The following CCDC148 variants were observed in gnomAD, a reference collection of about 807,000 sequenced individuals.
CCDC148 encodes the protein coiled-coil domain-containing protein 148.
Under a neutral mutation model 85.7 loss-of-function variants are expected in CCDC148, and 89 were observed. That is an observed-to-expected ratio of 1.04 (90% CI 0.87 to 1.24). CCDC148 has a LOEUF of 1.24. Among genes scored for constraint, CCDC148 ranks in the 50% most tolerant of loss-of-function variants. The pLI is 0.00. For missense variants in CCDC148, 692 were observed against 671.7 expected, an observed-to-expected ratio of 1.03 and a Z score of -0.33; for synonymous variants, 230 against 213.9, an observed-to-expected ratio of 1.08 and a Z score of -0.66.
chr2:158,345,543 A>G (rs1484319152), intron 2 of CCDC148, among the ~76,000 whole-genome samples: 2 of 152,186 alleles, frequency 1.3e-5, no homozygotes, highest in Non-Finnish European at 2.9e-5. Flanking sequence ...AACTGTTTTT[A>G]AAGTACTTAT....
At chr2:158,241,232 T>C (rs2105320920) in intron 10 of CCDC148, among the ~76,000 whole-genome samples, 1 of 152,372 alleles carries the variant, frequency 6.6e-6, no homozygotes, top group South Asian at 2.1e-4. Context: ...TATATGTATG[T>C]ATGTATATGC....
intron 9 of CCDC148, among the ~76,000 whole-genome samples, chr2:158,271,445 T>C (rs1046611740): frequency 1.3e-5 from 2 of 152,192 alleles, no homozygotes; most frequent in Non-Finnish European, 2.9e-5. Flanking sequence ...TCCTGCAGTA[T>C]CCTGGCCAGA....
intron 11 of CCDC148, among the ~76,000 whole-genome samples, chr2:158,210,687 T>C (rs1686517798): frequency 6.7e-6 from 1 of 148,600 alleles, no homozygotes. Context: ...CTCACACCTG[T>C]AATCCCAGCA....
intron 2 of CCDC148, among the ~76,000 whole-genome samples, chr2:158,345,774 A>G (rs1682965943): frequency 6.6e-6 from 1 of 152,214 alleles, no homozygotes; most frequent in Admixed American, 6.5e-5. Context: ...GCTCATAAAT[A>G]TCAGAGTAAC....
Position 158,253,349 on chromosome 2 carries a change from C to T in CCDC148, c.1111-2437G>A, listed in dbSNP as rs571821351. ...TAAGTAGCGTTCCTCCTCTGCCTTC[C>T]CTTATATGGCCATTCCTATTCTTAG... On this transcript the variant is annotated intron_variant, in intron 9 of 13. Transcript: ENST00000283233. 2.8e-4 allele frequency among the ~76,000 whole-genome samples: 43 copies of T among 151,722 alleles called. No individual in the cohort carries two copies. In the South Asian group the frequency reaches 8.7e-3, roughly 31 times the overall value.
intron 1 of CCDC148, among the ~76,000 whole-genome samples, chr2:158,418,765 A>G (rs947488409): frequency 6.6e-6 from 1 of 151,800 alleles, no homozygotes; most frequent in Non-Finnish European, 1.5e-5. Flanking sequence ...AGCTCTGTGG[A>G]GCAAACATGT....
At chr2:158,297,978 G>T (rs1360852890) in intron 9 of CCDC148, among the ~76,000 whole-genome samples, 1 of 152,204 alleles carries the variant, frequency 6.6e-6, no homozygotes, top group Admixed American at 6.5e-5. Context: ...AAAGGAAAAA[G>T]GTTTAATTGA....
chr2:158,184,788 A>G (rs1368112342), intron 11 of CCDC148, among the ~76,000 whole-genome samples: 2 of 152,122 alleles, frequency 1.3e-5, no homozygotes, highest in Non-Finnish European at 2.9e-5. Context: ...TCATTCTCAA[A>G]TGAGCGTACA....
intron 9 of CCDC148, among the ~76,000 whole-genome samples, chr2:158,297,878 C>G (rs2105195891): frequency 6.6e-6 from 1 of 152,342 alleles, no homozygotes; most frequent in South Asian, 2.1e-4. Context: ...CCATGTCTGT[C>G]TCTTCATATA....
intron 7 of CCDC148, among the ~76,000 whole-genome samples, chr2:158,315,353 C>T (rs1692227267): frequency 6.6e-6 from 1 of 152,180 alleles, no homozygotes; most frequent in African/African-American, 2.4e-5. Context: ...TTCAGGTTAA[C>T]ATAAATGCAT....
At chr2:158,355,050 A>C (rs1683551543) in intron 2 of CCDC148, among the ~76,000 whole-genome samples, 1 of 152,080 alleles carries the variant, frequency 6.6e-6, no homozygotes, top group African/African-American at 2.4e-5. Flanking sequence ...AAAAACTCTC[A>C]ATAAATTAGG....
At chr2:158,442,050 T>C (rs1257257463) in intron 1 of CCDC148, among the ~76,000 whole-genome samples, 1 of 152,182 alleles carries the variant, frequency 6.6e-6, no homozygotes, top group Non-Finnish European at 1.5e-5. Flanking sequence ...ACTAGAATCT[T>C]GTTATTAGAT....
chr2:158,195,377 A>C (rs747083390), intron 11 of CCDC148, among the ~76,000 whole-genome samples: 10 of 152,062 alleles, frequency 6.6e-5, no homozygotes, highest in Non-Finnish European at 1.2e-4. Flanking sequence ...AAATTTCTAC[A>C]CTAAACTTAT....
intron 9 of CCDC148, among the ~76,000 whole-genome samples, chr2:158,262,466 G>A (rs764334256): frequency 1.1e-4 from 17 of 151,894 alleles, no homozygotes; most frequent in Admixed American, 3.3e-4. Context: ...CATGACATGA[G>A]TTTACCTATG....
At chr2:158,281,524 C>T (rs79897973) in intron 9 of CCDC148, among the ~76,000 whole-genome samples, 126,657 of 151,678 alleles carry the variant, frequency 0.84, 53,980 homozygotes, top group East Asian at 0.98. Context: ...CTAGAAAATC[C>T]AGAAGAAATG....
chr2:158,196,586 A>G (rs571017293), intron 11 of CCDC148, among the ~76,000 whole-genome samples: 1 of 152,234 alleles, frequency 6.6e-6, no homozygotes, highest in East Asian at 1.9e-4. Context: ...ACTGCCCCCA[A>G]TCTGCTTTCC....
At chr2:158,327,295 C>T (rs1198349486) in intron 7 of CCDC148, among the ~76,000 whole-genome samples, 3 of 152,186 alleles carry the variant, frequency 2.0e-5, no homozygotes, top group Non-Finnish European at 4.4e-5. Flanking sequence ...TTTCTCCACA[C>T]TCTTGCCACA....
At chr2:158,322,102 A>C (rs1404349090) in intron 7 of CCDC148, among the ~76,000 whole-genome samples, 2 of 152,174 alleles carry the variant, frequency 1.3e-5, no homozygotes, top group African/African-American at 4.8e-5. Context: ...AATGCTACCA[A>C]AAGTCTTAGA....
chr2:158,300,682 C>T (rs1001479271), intron 9 of CCDC148, among the ~76,000 whole-genome samples: 1 of 152,136 alleles, frequency 6.6e-6, no homozygotes, highest in South Asian at 2.1e-4. Context: ...GAGTGAATTA[C>T]AAGGAGTTTG....
Sources: allele counts gnomAD v4.1 joint callset (sites outside exome capture counted in the v4.1 genomes callset), GRCh38; gene constraint gnomAD v4.1.1; transcripts MANE v1.5; gene names NCBI Gene and HGNC (gene_info 2026-07-23, HGNC 2026-07-21).